UGT1A8: variants seen among roughly 807,000 people sequenced by gnomAD.
UGT1A8 encodes UDP-glucuronosyltransferase 1A8.
A neutral mutation model predicts 45.3 loss-of-function variants in UGT1A8; 39 were observed. The ratio of observed to expected loss-of-function variants is 0.86; its 90% CI spans 0.67 to 1.12. The LOEUF is 1.12. Among genes scored for constraint, UGT1A8 ranks in the 50% most tolerant of loss-of-function variants. UGT1A8 has a pLI of 0.00. For synonymous variants in UGT1A8, 275 were observed against 249.2 expected (o/e 1.10, Z -0.97); for missense variants, 719 against 664.9 (o/e 1.08, Z -0.90).
intron 1 of UGT1A8, among the ~76,000 whole-genome samples, chr2:233,661,818 A>G (rs2073977912): frequency 1.3e-5 from 2 of 151,032 alleles, no homozygotes; most frequent in African/African-American, 4.9e-5. Context: ...GCTTCATGGG[A>G]GCACTTGAGG....
In UGT1A8 at chr2:233,617,967, A is replaced by G. The variant is rs757492857; in HGVS notation, c.260A>G (p.Asp87Gly). 3.1e-6 allele frequency: 5 copies of G among 1,614,162 alleles called. No individual in the cohort carries two copies. The highest frequency in any genetic ancestry group is 4.2e-6 in the Non-Finnish European group (5 of 1,180,036). Reference sequence around the variant, plus strand: ...ACCTCATACACTCTGGAGGATCTGGACCGGGAATTCATGGATTTCGCCGAT... The same window carrying G: ...ACCTCATACACTCTGGAGGATCTGGGCCGGGAATTCATGGATTTCGCCGAT... ...YSTSYTLEDL[D>G]REFMDFADAQ... is the part of the protein sequence containing the mutation. The change falls in exon 1 of 5, where the codon GAC (aspartate) becomes GGC (glycine). Residue 87 changes from aspartate (D) to glycine (G), a missense_variant. Physicochemically the swap from Asp to Gly is moderately conservative, Grantham distance 94. Coordinates refer to ENST00000373450, the MANE Select transcript of UGT1A8 (RefSeq NM_019076.5).
At position 233,772,651 on chromosome 2, in the gene UGT1A8, T is replaced by C. The variant is rs1700540535; in HGVS notation, c.*92T>C. 1.3e-6 allele frequency: 2 copies of C among 1,547,716 alleles called. No individual in the cohort carries two copies. Among genetic ancestry groups the C allele is most frequent in the Non-Finnish European group, 1.7e-6 (2 of 1,146,578 alleles). ...ATCAGTGTTAAATTCATTTTATTCT[T>C]ATTAAGGAAATACTTTGCATAAATT... On this transcript the variant is annotated 3_prime_UTR_variant, in exon 5 of 5. Transcript: ENST00000373450.
At chr2:233,768,557 A>C in intron 4 of UGT1A8, 118 bp downstream of exon 4, 1 of 1,466,482 alleles carries the variant, frequency 6.8e-7, no homozygotes, top group Non-Finnish European at 9.0e-7. Flanking sequence ...AAACAAATAC[A>C]TAAAAATCTG....
At chr2:233,705,875 G>A (rs923785055) in intron 1 of UGT1A8, among the ~76,000 whole-genome samples, 2 of 152,126 alleles carry the variant, frequency 1.3e-5, no homozygotes, top group African/African-American at 2.4e-5. Flanking sequence ...ATCACTTGAG[G>A]CCAGGAGTTC....
chr2:233,714,484 G>C (rs1019190472), intron 1 of UGT1A8, among the ~76,000 whole-genome samples: 1 of 152,166 alleles, frequency 6.6e-6, no homozygotes, highest in Admixed American at 6.5e-5. Context: ...AATGTTTCTT[G>C]TGAAGACACT....
chr2:233,663,001 C>T (rs2074005690), intron 1 of UGT1A8, among the ~76,000 whole-genome samples: 1 of 152,134 alleles, frequency 6.6e-6, no homozygotes, highest in South Asian at 2.1e-4. Flanking sequence ...TAAACCTTGT[C>T]ATCTTCACCA....
intron 1 of UGT1A8, among the ~76,000 whole-genome samples, chr2:233,710,562 A>C (rs995361166): frequency 9.2e-5 from 14 of 152,172 alleles, no homozygotes; most frequent in African/African-American, 3.4e-4. Context: ...TTTTCTTTTA[A>C]AAGGTGCCCT....
chr2:233,672,609 A>G, intron 1 of UGT1A8: 1 of 1,613,812 alleles, frequency 6.2e-7, no homozygotes, highest in Non-Finnish European at 8.5e-7. Context: ...GTTTTTTCAA[A>G]AATGCCCTAG....
intron 1 of UGT1A8, among the ~76,000 whole-genome samples, chr2:233,630,881 A>G (rs1247580569): frequency 6.6e-6 from 1 of 151,154 alleles, no homozygotes; most frequent in African/African-American, 2.4e-5. Context: ...ACATGTGCAG[A>G]ACATGCAGGT....
rs766536479 is a variant in UGT1A8 at position 233,760,908 on chromosome 2, G to GCAGC, written c.856-6125_856-6122dup. ...CTCATTCAGATCACATGACCTTCCT[G>GCAGC]CAGCGGGTGAAGAACATGCTCATTG... is the stretch of plus-strand genomic sequence containing the variant. On this transcript the variant is annotated intron_variant, in intron 1 of 4. Coordinates refer to ENST00000373450, the MANE Select transcript of UGT1A8 (RefSeq NM_019076.5). 8 of 1,614,152 alleles carry GCAGC rather than the reference G, an allele frequency of 5.0e-6. No individual in the cohort carries two copies. The South Asian group carries it at 8.8e-5, about 18-fold the overall frequency.
At chr2:233,628,547 T>G (rs1242830812) in intron 1 of UGT1A8, among the ~76,000 whole-genome samples, 1 of 152,150 alleles carries the variant, frequency 6.6e-6, no homozygotes, top group East Asian at 1.9e-4. Flanking sequence ...GATAAACTTA[T>G]TGTCTGTGAA....
At chr2:233,681,080 C>T (rs983735486) in intron 1 of UGT1A8, among the ~76,000 whole-genome samples, 2 of 151,696 alleles carry the variant, frequency 1.3e-5, no homozygotes, top group African/African-American at 4.8e-5. Flanking sequence ...AATTGTGGCT[C>T]ACCTGTGTCT....
intron 1 of UGT1A8, among the ~76,000 whole-genome samples, chr2:233,661,682 T>TCTTTCTTTCTTTC (rs1559329471): frequency 6.7e-6 from 1 of 150,254 alleles, no homozygotes; most frequent in African/African-American, 2.4e-5. Context: ...TTTCTTTCTT[T>TCTTTCTTTCTTTC]TTAAACAAAG....
At chr2:233,719,554 T>C in intron 1 of UGT1A8, 1 of 1,613,912 alleles carries the variant, frequency 6.2e-7, no homozygotes. Context: ...GAGGTGTCAG[T>C]GGTGGATCTT....
At chr2:233,732,087 T>G (rs2078235147) in intron 1 of UGT1A8, among the ~76,000 whole-genome samples, 1 of 152,220 alleles carries the variant, frequency 6.6e-6, no homozygotes, top group African/African-American at 2.4e-5. Flanking sequence ...TGTCTTCTTT[T>G]GAGAAGTGTC....
chr2:233,623,141 G>A (rs1364156072), intron 1 of UGT1A8, among the ~76,000 whole-genome samples: 3 of 152,142 alleles, frequency 2.0e-5, no homozygotes, highest in Non-Finnish European at 4.4e-5. Context: ...TTGTGATTTA[G>A]TTTGAAGTCA....
At chr2:233,711,208 C>T (rs748889807) in intron 1 of UGT1A8, among the ~76,000 whole-genome samples, 9 of 152,240 alleles carry the variant, frequency 5.9e-5, no homozygotes, top group Admixed American at 1.3e-4. Context: ...CCTGCTCTCC[C>T]CAGTGCTCCC....
chr2:233,755,243 TC>T (rs1695828165), intron 1 of UGT1A8: 10 of 851,914 alleles, frequency 1.2e-5, no homozygotes. Flanking sequence ...ACCGGGGTAC[TC>T]CCAGCACCTC....
At chr2:233,700,772 A>G (rs940098875) in intron 1 of UGT1A8, among the ~76,000 whole-genome samples, 4 of 151,978 alleles carry the variant, frequency 2.6e-5, no homozygotes, top group Admixed American at 2.6e-4. Context: ...TGCACAACGT[A>G]CAGGTTTGTT....
Sources: gnomAD v4.1 joint callset for allele counts (sites outside exome capture counted in the v4.1 genomes callset) on GRCh38, gnomAD v4.1.1 for gene constraint, MANE v1.5 for transcripts, NCBI Gene and HGNC (gene_info 2026-07-23, HGNC 2026-07-21) for gene names.